GNPTAB: variants seen among roughly 807,000 people sequenced by gnomAD.
GNPTAB encodes N-acetylglucosamine-1-phosphotransferase subunits alpha/beta.
In GNPTAB, 92 loss-of-function variants were observed where a neutral mutation model predicts 136.6. The ratio of observed to expected loss-of-function variants is 0.67; its 90% CI spans 0.57 to 0.80. The LOEUF (loss-of-function observed/expected upper bound fraction) is 0.80, where lower values mean the gene tolerates loss of function less well. GNPTAB is among the 30% of genes least tolerant of loss of function. The pLI is 0.00. For missense variants in GNPTAB, 1,343 were observed against 1,501.8 expected (o/e 0.89, Z 1.75); for synonymous variants, 512 against 535.1 (o/e 0.96, Z 0.60).
At position 101,761,362 on chromosome 12, in the gene GNPTAB, A is replaced by G. The variant is rs1253115633; in HGVS notation, c.2916-16T>C. The G allele has an allele frequency of 1.9e-6, 3 of 1,607,018 alleles. No individual in the cohort carries two copies. Among genetic ancestry groups the G allele is most frequent in the Non-Finnish European group, 2.6e-6 (3 of 1,175,052 alleles). The stretch of plus-strand genomic sequence containing the variant: ...TTCAGGGAACCTGTCCAAATATAAC[A>G]TATTACAAACTCTGGATATTCAAAG... On this transcript the variant is annotated splice_polypyrimidine_tract_variant and intron_variant, in intron 14 of 20. Transcript: ENST00000299314.
chr12:101,759,191 G>A (rs112458965), intron 16 of GNPTAB, among the ~76,000 whole-genome samples: 14,825 of 151,816 alleles, frequency 0.098, 865 homozygotes, highest in Middle Eastern at 0.2. Flanking sequence ...GTGAAACCCC[G>A]TCTCTACTAA....
chr12:101,778,976 G>A (rs918132346), intron 7 of GNPTAB: 1 of 151,156 alleles, frequency 6.6e-6, no homozygotes, highest in East Asian at 2.1e-4. Flanking sequence ...CATTACCATT[G>A]TATTACAAGG....
chr12:101,754,343 C>T (rs1952868367), intron 18 of GNPTAB, among the ~76,000 whole-genome samples: 2 of 151,894 alleles, frequency 1.3e-5, no homozygotes, highest in South Asian at 4.1e-4. Flanking sequence ...ACTAGAATTG[C>T]TGAACTCGGG....
At chr12:101,783,887 G>GTT (rs544238396) in intron 5 of GNPTAB, among the ~76,000 whole-genome samples, 8 of 141,854 alleles carry the variant, frequency 5.6e-5, no homozygotes, top group Non-Finnish European at 7.8e-5. Flanking sequence ...ACTAATTTTT[G>GTT]TTTTTTTTTT....
chr12:101,767,079 T>A (rs973308935), intron 11 of GNPTAB, among the ~76,000 whole-genome samples: 2 of 152,218 alleles, frequency 1.3e-5, no homozygotes, highest in Non-Finnish European at 2.9e-5. Flanking sequence ...CTAAAGCGCA[T>A]CTGACATATC....
intron 20 of GNPTAB, among the ~76,000 whole-genome samples, chr12:101,748,206 G>A (rs1184367729): frequency 6.6e-6 from 1 of 152,202 alleles, no homozygotes; most frequent in Non-Finnish European, 1.5e-5. Flanking sequence ...CTGTTCACCT[G>A]CCCAGTCTCT....
chr12:101,813,816 C>G (rs2137178286), intron 1 of GNPTAB, among the ~76,000 whole-genome samples: 1 of 152,186 alleles, frequency 6.6e-6, no homozygotes, highest in Middle Eastern at 3.4e-3. Context: ...CATGGTGGCT[C>G]ACGCCTGTAA....
chr12:101,794,218 T>A (rs1566089444), intron 2 of GNPTAB, among the ~76,000 whole-genome samples: 1 of 152,220 alleles, frequency 6.6e-6, no homozygotes, highest in African/African-American at 2.4e-5. Context: ...TAATCTAATA[T>A]CCACATTTTA....
intron 1 of GNPTAB, among the ~76,000 whole-genome samples, chr12:101,823,267 G>A (rs975582950): frequency 1.3e-5 from 2 of 152,170 alleles, no homozygotes; most frequent in East Asian, 3.8e-4. Flanking sequence ...GGTATGCGGT[G>A]TAGGCAGCTG....
intron 11 of GNPTAB, among the ~76,000 whole-genome samples, chr12:101,766,774 TA>T (rs1953101732): frequency 6.6e-6 from 1 of 152,100 alleles, no homozygotes; most frequent in African/African-American, 2.4e-5. Context: ...AAAATAAACG[TA>T]AAAGGGAGTC....
chr12:101,746,834 T>G lies in GNPTAB; in HGVS notation c.*330A>C, dbSNP rs1333560097. The G allele has an allele frequency of 7.7e-6, 2 of 260,810 alleles. No individual in the cohort carries two copies. Among genetic ancestry groups the G allele is most frequent in the South Asian group, 5.9e-5 (1 of 16,816 alleles). 16.2% of individuals were successfully genotyped at this position (260,810 alleles called of 1,614,324 possible). ...ATCACTCCCAGCTGGCATAGGCTTCTCCTAATAAAGTTAGTCTGCAATGAT... is the reference window on the plus strand; with the variant it reads ...ATCACTCCCAGCTGGCATAGGCTTCGCCTAATAAAGTTAGTCTGCAATGAT... On this transcript the variant is annotated 3_prime_UTR_variant, in exon 21 of 21. Transcript: ENST00000299314.
rs749261391 is a variant in GNPTAB at position 101,770,466 on chromosome 12, G to A, written c.1053C>T (p.Asn351=). ...GGTTCAGCCAGGATGGAATCTGCCC[G>A]TTGGTGACAATGAAAATATTCCGAA... is the stretch of plus-strand genomic sequence containing the variant. ...PWVRNIFIVT[N]GQIPSWLNLD... is the part of the protein sequence containing the mutation. The change falls in exon 9 of 21, where the codon AAC becomes AAT. Residue 351 remains asparagine, a synonymous_variant. Transcript: ENST00000299314. The A allele has an allele frequency of 8.7e-6, 14 of 1,613,504 alleles. No individual in the cohort carries two copies. The highest frequency in any genetic ancestry group is 7.7e-5 in the South Asian group (7 of 91,080).
In GNPTAB at chr12:101,777,124, C is replaced by T. The variant is rs748682170; in HGVS notation, c.771+3028G>A. Reference sequence around the variant, plus strand: ...CACCTCCCCTTTCATTCTCCTCTTCCTCCTCCTGAATAGCTTGTAAGTCAC... The same window carrying T: ...CACCTCCCCTTTCATTCTCCTCTTCTTCCTCCTGAATAGCTTGTAAGTCAC... On this transcript the variant is annotated intron_variant, in intron 7 of 20. Coordinates refer to ENST00000299314, the MANE Select transcript of GNPTAB (RefSeq NM_024312.5). 1.1e-3 allele frequency among the ~76,000 whole-genome samples: 169 copies of T among 152,332 alleles called. 1 individual carries two copies. Among genetic ancestry groups the T allele is most frequent in the Non-Finnish European group, 1.9e-3 (132 of 68,032 alleles).
chr12:101,796,573 T>C (rs953784303), intron 2 of GNPTAB, 104 bp downstream of exon 2: 6 of 790,980 alleles, frequency 7.6e-6, no homozygotes, highest in African/African-American at 3.4e-5. Context: ...TTAAACCATA[T>C]CTATAACTCA....
chr12:101,756,627 A>T (rs1305826372), intron 18 of GNPTAB: 1 of 185,108 alleles, frequency 5.4e-6, no homozygotes, highest in African/African-American at 2.4e-5. Context: ...AGTTGATGAA[A>T]CATCTACTTC....
intron 11 of GNPTAB, 148 bp downstream of exon 11, chr12:101,767,889 T>A: frequency 2.2e-6 from 2 of 926,664 alleles, no homozygotes; most frequent in Middle Eastern, 2.4e-4. Flanking sequence ...AAGCACTGGA[T>A]TATAAGCATG....
intron 1 of GNPTAB, among the ~76,000 whole-genome samples, chr12:101,805,239 A>T (rs1317235477): frequency 2.0e-5 from 3 of 152,220 alleles, no homozygotes; most frequent in Non-Finnish European, 2.9e-5. Context: ...TTTGCACAAT[A>T]TCTGTTTGTG....
intron 1 of GNPTAB, among the ~76,000 whole-genome samples, chr12:101,799,612 T>G (rs954701724): frequency 4.6e-5 from 7 of 152,154 alleles, no homozygotes; most frequent in African/African-American, 1.7e-4. Context: ...TGGAAAAAAA[T>G]TAACACCAAC....
At chr12:101,779,938 C>G (rs1953315489) in intron 7 of GNPTAB, 1 of 589,724 alleles carries the variant, frequency 1.7e-6, no homozygotes. Flanking sequence ...CAAATGAGTC[C>G]TTCTCTATCC....
Sources: allele counts gnomAD v4.1 joint callset (sites outside exome capture counted in the v4.1 genomes callset), GRCh38; gene constraint gnomAD v4.1.1; transcripts MANE v1.5; gene names NCBI Gene and HGNC (gene_info 2026-07-23, HGNC 2026-07-21).